Variants in PLXNA4 observed in about 807,000 individuals in gnomAD.
PLXNA4 encodes the protein plexin A4.
Under a neutral mutation model 191.8 loss-of-function variants are expected in PLXNA4, and 44 were observed. The ratio of observed to expected loss-of-function variants is 0.23; its 90% CI spans 0.18 to 0.29. The LOEUF (loss-of-function observed/expected upper bound fraction) is 0.29. Among genes scored for constraint, PLXNA4 ranks in the 10% least tolerant of loss-of-function variants. PLXNA4 has a pLI of 1.00. For synonymous variants in PLXNA4, 1,082 were observed against 1,009.5 expected, an observed-to-expected ratio of 1.07 and a Z score of -1.36; for missense variants, 1,800 against 2,488.8, an observed-to-expected ratio of 0.72 and a Z score of 5.89.
At chr7:132,416,070 T>C (rs1794648521) in intron 3 of PLXNA4, among the ~76,000 whole-genome samples, 1 of 152,240 alleles carries the variant, frequency 6.6e-6, no homozygotes, top group South Asian at 2.1e-4. Flanking sequence ...AAGTGCTCAG[T>C]AGTCCCATGT....
At chr7:132,561,434 C>T (rs1209540357) in intron 1 of PLXNA4, among the ~76,000 whole-genome samples, 4 of 137,264 alleles carry the variant, frequency 2.9e-5, no homozygotes, top group Non-Finnish European at 6.3e-5. Flanking sequence ...TCCTCTTCCT[C>T]CCCCTCCTTC....
intron 15 of PLXNA4, 70 bp from the exon 16 acceptor site, chr7:132,185,533 T>C (rs1207810467): frequency 1.3e-6 from 2 of 1,533,074 alleles, no homozygotes; most frequent in African/African-American, 1.4e-5. Flanking sequence ...GTCAAGGCCC[T>C]CCCACACCGC....
At chr7:132,622,272 T>C (rs1803282591) in intron 2 of PLXNA4, among the ~76,000 whole-genome samples, 1 of 152,220 alleles carries the variant, frequency 6.6e-6, no homozygotes, top group Admixed American at 6.5e-5. Flanking sequence ...GCCTGGGTCC[T>C]TGAGTCACCA....
At chr7:132,610,085 T>G (rs1351497215) in intron 2 of PLXNA4, among the ~76,000 whole-genome samples, 1 of 152,202 alleles carries the variant, frequency 6.6e-6, no homozygotes, top group Admixed American at 6.5e-5. Flanking sequence ...TTTAGATGAG[T>G]TTATCCTCTT....
In PLXNA4 at chr7:132,198,585, C is replaced by G; in HGVS notation, c.2638G>C (p.Gly880Arg). ...CGAAATTCCAGGCCCAGGTTCTCCCCTCGGATAGTGACCTTGGTGCCCCCT... is the reference window on the plus strand; with the variant it reads ...CGAAATTCCAGGCCCAGGTTCTCCCGTCGGATAGTGACCTTGGTGCCCCCT... The part of the protein sequence containing the change: ...REGGTKVTIR[G>R]ENLGLEFRDI... Residue 880 changes from glycine (G) to arginine (R), a missense_variant, in exon 13 of 32, where the codon GGG becomes CGG. By Grantham distance (125) the Gly-to-Arg change is moderately radical. Transcript: ENST00000321063. The G allele has an allele frequency of 6.2e-7, 1 of 1,614,272 alleles. No individual in the cohort carries two copies. The highest frequency in any genetic ancestry group is 8.5e-7 in the Non-Finnish European group (1 of 1,180,056).
intron 3 of PLXNA4, among the ~76,000 whole-genome samples, chr7:132,431,278 G>A (rs1287320944): frequency 6.6e-6 from 1 of 152,122 alleles, no homozygotes; most frequent in Non-Finnish European, 1.5e-5. Context: ...TGCCAGAGAG[G>A]TGGAAGGGTA....
intron 3 of PLXNA4, among the ~76,000 whole-genome samples, chr7:132,403,285 A>G (rs1415068253): frequency 1.3e-5 from 2 of 152,246 alleles, no homozygotes; most frequent in Non-Finnish European, 1.5e-5. Flanking sequence ...CCAGCACTCA[A>G]TCATGTTCTC....
intron 1 of PLXNA4, among the ~76,000 whole-genome samples, chr7:132,519,044 T>C (rs1406044725): frequency 1.3e-5 from 2 of 152,242 alleles, no homozygotes; most frequent in African/African-American, 4.8e-5. Flanking sequence ...GGACAGTCAC[T>C]AGGCAATGGC....
At chr7:132,597,910 C>T (rs944548972) in intron 2 of PLXNA4, among the ~76,000 whole-genome samples, 4 of 150,920 alleles carry the variant, frequency 2.7e-5, no homozygotes, top group Non-Finnish European at 4.4e-5. Flanking sequence ...CAATAGCACT[C>T]CATCGTATGC....
chr7:132,617,192 G>A (rs1803172780), intron 2 of PLXNA4, among the ~76,000 whole-genome samples: 2 of 152,292 alleles, frequency 1.3e-5, no homozygotes, highest in South Asian at 4.1e-4. Context: ...TTTGTTCTCT[G>A]AGGCTTGCTC....
intron 2 of PLXNA4, among the ~76,000 whole-genome samples, chr7:132,618,163 T>C (rs1438997478): frequency 6.6e-6 from 1 of 152,214 alleles, no homozygotes; most frequent in African/African-American, 2.4e-5. Flanking sequence ...TGGGCAGCCA[T>C]TGGTCAGATA....
At chr7:132,519,063 C>T (rs567086349) in intron 1 of PLXNA4, among the ~76,000 whole-genome samples, 38 of 152,362 alleles carry the variant, frequency 2.5e-4, no homozygotes, top group African/African-American at 8.9e-4. Context: ...GCTTTCTTTA[C>T]TCCAAGTGTG....
rs1795504111 is a variant in PLXNA4, at chr7:132,148,645, C to T, written c.4662G>A (p.Glu1554=). 2 of 1,614,044 alleles carry T rather than the reference C, an allele frequency of 1.2e-6. No individual in the cohort carries two copies. Among genetic ancestry groups the T allele is most frequent in the African/African-American group, 2.7e-5 (2 of 74,912 alleles). Residue 1554 remains glutamate, a splice_region_variant and synonymous_variant, in exon 26 of 32, where the codon GAG becomes GAA. Coordinates refer to ENST00000321063, the MANE Select transcript of PLXNA4 (RefSeq NM_020911.2). ...TCCTTGCCCCACTTCCTTGTCGCCA[C>T]TCTGCCAAAAGAGCGGTGGCGTTTC... ...HRPKAADMDL[E]WRQGSGARMI...
intron 2 of PLXNA4, among the ~76,000 whole-genome samples, chr7:132,634,768 T>C (rs927383262): frequency 6.6e-6 from 1 of 152,226 alleles, no homozygotes; most frequent in South Asian, 2.1e-4. Context: ...TGTGCCTGCA[T>C]GCCTTGTCAT....
intron 3 of PLXNA4, among the ~76,000 whole-genome samples, chr7:132,302,433 A>G (rs1801343460): frequency 6.6e-6 from 1 of 152,070 alleles, no homozygotes; most frequent in African/African-American, 2.4e-5. Flanking sequence ...GGTGCTTAGT[A>G]AGTAATTACT....
At chr7:132,529,016 G>A (rs1799519785) in intron 1 of PLXNA4, among the ~76,000 whole-genome samples, 1 of 152,206 alleles carries the variant, frequency 6.6e-6, no homozygotes, top group Admixed American at 6.5e-5. Context: ...TTCATTAGCT[G>A]GATAAGAGCA....
chr7:132,325,684 T>G (rs575737511), intron 3 of PLXNA4, among the ~76,000 whole-genome samples: 1 of 151,798 alleles, frequency 6.6e-6, no homozygotes, highest in East Asian at 1.9e-4. Context: ...CCTCAAGGAG[T>G]GTGGCCCTGC....
intron 3 of PLXNA4, among the ~76,000 whole-genome samples, chr7:132,476,706 G>T (rs1797143404): frequency 1.3e-5 from 2 of 152,172 alleles, no homozygotes; most frequent in African/African-American, 4.8e-5. Flanking sequence ...GGAATCTCTG[G>T]AGCTTAAATT....
intron 3 of PLXNA4, among the ~76,000 whole-genome samples, chr7:132,447,828 A>AC (rs1165559689): frequency 3.8e-5 from 1 of 26,124 alleles, no homozygotes; most frequent in African/African-American, 4.4e-5. Context: ...CTGTACTTAA[A>AC]AAAAAAAAAA....
Sources: gnomAD v4.1 joint callset for allele counts (sites outside exome capture counted in the v4.1 genomes callset) on GRCh38, gnomAD v4.1.1 for gene constraint, MANE v1.5 for transcripts, NCBI Gene and HGNC (gene_info 2026-07-23, HGNC 2026-07-21) for gene names.